The following ADH7 variants were observed in gnomAD, a reference collection of about 807,000 sequenced individuals.
ADH7 encodes the protein all-trans-retinol dehydrogenase [NAD(+)] ADH7.
In ADH7, 41 loss-of-function variants were observed where a neutral mutation model predicts 34.4. The observed-to-expected ratio is 1.19, with a 90% CI of 0.93 to 1.55. The LOEUF (loss-of-function observed/expected upper bound fraction) is 1.55, where lower values mean the gene tolerates loss of function less well. ADH7 is among the 40% of genes most tolerant of loss of function. The probability of loss-of-function intolerance (pLI) is 0.00; values close to 1 mark genes in which losing one functional copy is unlikely to be tolerated. For missense variants in ADH7, 540 were observed against 461.2 expected (o/e 1.17, Z -1.56); for synonymous variants, 180 against 160.9 (o/e 1.12, Z -0.90).
chr4:99,421,482 T>A (rs896725310), intron 5 of ADH7, among the ~76,000 whole-genome samples: 10 of 152,022 alleles, frequency 6.6e-5, no homozygotes, highest in Admixed American at 4.6e-4. Flanking sequence ...CTTCCTTACA[T>A]CTTACACAAA....
In ADH7 at chr4:99,435,340, T is replaced by C; in HGVS notation, c.-107A>G. The C allele has an allele frequency of 6.7e-7, 1 of 1,497,916 alleles. No homozygotes were observed. 92.8% of individuals were successfully genotyped at this position (1,497,916 alleles called of 1,614,324 possible). On this transcript the variant is annotated 5_prime_UTR_variant, in exon 1 of 9. Coordinates refer to ENST00000437033, the MANE Select transcript of ADH7 (RefSeq NM_000673.7). ...GCAGCTTGTGCCTTCACATAGATAG[T>C]CTGGCTTCAGAGTTCCACCTTCAGC...
intron 8 of ADH7, 44 bp from the exon 9 acceptor site, chr4:99,413,216 T>C: frequency 1.2e-6 from 2 of 1,602,738 alleles, no homozygotes; most frequent in Non-Finnish European, 1.7e-6. Context: ...TTTTCATATC[T>C]TTCAAGAAAG....
At chr4:99,425,780 C>T (rs1721788710) in intron 5 of ADH7, among the ~76,000 whole-genome samples, 1 of 152,104 alleles carries the variant, frequency 6.6e-6, no homozygotes, top group African/African-American at 2.4e-5. Context: ...CACACCACAC[C>T]TATTCCAAAA....
chr4:99,427,682 T>TG (rs1721839743), intron 5 of ADH7, 91 bp downstream of exon 5: 4 of 984,194 alleles, frequency 4.1e-6, no homozygotes, highest in Non-Finnish European at 4.1e-6. Flanking sequence ...TTTTAAATGT[T>TG]TTTTTTTTTT....
chr4:99,415,806 G>A (rs1342812401), intron 7 of ADH7, 190 bp from the exon 8 acceptor site: 4 of 479,144 alleles, frequency 8.3e-6, no homozygotes, highest in South Asian at 3.5e-5. Context: ...AAAAGAATGA[G>A]TTCATGTCCT....
intron 5 of ADH7, among the ~76,000 whole-genome samples, chr4:99,424,803 C>T (rs1435089681): frequency 2.0e-5 from 3 of 152,086 alleles, no homozygotes; most frequent in Admixed American, 2.0e-4. Context: ...TCTAGATATA[C>T]AATCATGTCA....
intron 6 of ADH7, among the ~76,000 whole-genome samples, chr4:99,419,946 G>A (rs1154459): frequency 0.27 from 41,287 of 152,102 alleles, 6,319 homozygotes; most frequent in Admixed American, 0.37. Flanking sequence ...CCAGGTTGGA[G>A]CTTTCTAGTT....
chr4:99,425,602 A>T (rs546224242), intron 5 of ADH7, among the ~76,000 whole-genome samples: 5,543 of 152,082 alleles, frequency 0.036, 341 homozygotes, highest in African/African-American at 0.13. Context: ...CTCCCACACA[A>T]TAATAATGGG....
chr4:99,428,289 T>C (rs1299812968), intron 3 of ADH7, 115 bp from the exon 4 acceptor site: 1 of 1,242,542 alleles, frequency 8.0e-7, no homozygotes, highest in Non-Finnish European at 1.1e-6. Flanking sequence ...TATTCTAAGG[T>C]TTATAAACAC....
intron 2 of ADH7, 45 bp downstream of exon 2, chr4:99,429,487 G>A (rs1340856278): frequency 2.1e-6 from 3 of 1,425,890 alleles, no homozygotes; most frequent in South Asian, 2.4e-5. Context: ...TTCAATATAA[G>A]TTTGATAACG....
chr4:99,434,298 C>A (rs1326312113), intron 1 of ADH7, among the ~76,000 whole-genome samples: 3 of 152,054 alleles, frequency 2.0e-5, no homozygotes, highest in Non-Finnish European at 2.9e-5. Context: ...ATTAACTTCC[C>A]AAGTAATCTA....
chr4:99,417,946 T>A (rs745755423), intron 7 of ADH7, among the ~76,000 whole-genome samples: 11 of 152,206 alleles, frequency 7.2e-5, no homozygotes, highest in Non-Finnish European at 1.6e-4. Flanking sequence ...TGCTTTTTTA[T>A]GCCCCAAGTA....
intron 5 of ADH7, among the ~76,000 whole-genome samples, chr4:99,422,134 C>A (rs1721679837): frequency 6.6e-6 from 1 of 152,156 alleles, no homozygotes; most frequent in Non-Finnish European, 1.5e-5. Flanking sequence ...ATCATTTGAC[C>A]CAGCCATCCC....
chr4:99,428,550 T>C lies in ADH7; in HGVS notation c.201A>G (p.Gly67=). The change falls in exon 3 of 9, where the codon GGA becomes GGG. Residue 67 remains glycine (G), a synonymous_variant. Coordinates refer to ENST00000437033, the MANE Select transcript of ADH7 (RefSeq NM_000673.7). ...TCTCTACAATCCCAGTTGCCTCATG[T>C]CCCACAATCACTGGAAACTTGGACA... ...TMVSKFPVIV[G]HEATGIVESI... The C allele has an allele frequency of 6.2e-7, 1 of 1,613,970 alleles. No homozygotes were observed. Among genetic ancestry groups the C allele is most frequent in the African/African-American group, 1.3e-5 (1 of 75,054 alleles).
intron 8 of ADH7, 56 bp from the exon 9 acceptor site, chr4:99,413,228 A>G (rs1721449433): frequency 2.5e-6 from 4 of 1,584,380 alleles, no homozygotes; most frequent in Non-Finnish European, 2.6e-6. Context: ...TCAAGAAAGG[A>G]TAGTTTAAAC....
intron 2 of ADH7, 99 bp from the exon 3 acceptor site, chr4:99,428,729 A>T (rs1721874584): frequency 2.1e-6 from 3 of 1,429,182 alleles, no homozygotes; most frequent in Non-Finnish European, 2.8e-6. Context: ...TTGTTTAATC[A>T]ATATCTTTGC....
intron 5 of ADH7, among the ~76,000 whole-genome samples, chr4:99,423,730 T>C (rs1203726424): frequency 6.6e-6 from 1 of 152,082 alleles, no homozygotes; most frequent in African/African-American, 2.4e-5. Flanking sequence ...GGGTTGTTTG[T>C]TTTTTTCTTG....
At chr4:99,432,924 C>A (rs1364416917) in intron 1 of ADH7, among the ~76,000 whole-genome samples, 1 of 152,124 alleles carries the variant, frequency 6.6e-6, no homozygotes, top group Non-Finnish European at 1.5e-5. Flanking sequence ...GTGGTCTTCC[C>A]ATCTCAGCCT....
intron 2 of ADH7, among the ~76,000 whole-genome samples, chr4:99,429,001 G>A (rs1721880842): frequency 6.6e-6 from 1 of 152,186 alleles, no homozygotes. Flanking sequence ...AAGAAGGTAA[G>A]CAAAGAGCAA....
Sources: allele counts gnomAD v4.1 joint callset (sites outside exome capture counted in the v4.1 genomes callset), GRCh38; gene constraint gnomAD v4.1.1; transcripts MANE v1.5; gene names NCBI Gene and HGNC (gene_info 2026-07-23, HGNC 2026-07-21).